The following MBD5 variants were observed in gnomAD, a reference collection of about 807,000 sequenced individuals.
The protein encoded by MBD5 is methyl-CpG-binding domain protein 5.
A neutral mutation model predicts 117.3 loss-of-function variants in MBD5; 13 were observed. The ratio of observed to expected loss-of-function variants is 0.11; its 90% confidence interval spans 0.07 to 0.18. MBD5 has a LOEUF of 0.18. Ranked by LOEUF, MBD5 falls within the 10% of genes least tolerant of loss-of-function variation. The pLI is 1.00. For missense variants in MBD5, 1,879 were observed against 2,093.8 expected, an observed-to-expected ratio of 0.90 and a Z score of 2.00; for synonymous variants, 727 against 766.4, an observed-to-expected ratio of 0.95 and a Z score of 0.85.
rs538688788 is a variant in MBD5 at position 148,372,511 on chromosome 2, T to C, written c.-557+30175T>C. Among the ~76,000 whole-genome samples, 18 of 152,162 alleles carry C rather than the reference T, an allele frequency of 1.2e-4. No individual in the cohort carries two copies. The East Asian group carries it at 3.5e-3, about 29-fold the overall frequency. ...AACACAAGTCAAATTCGTGGCCTAC[T>C]AATGATAGATCATGAGGTTCATCCT... On this transcript the variant is annotated intron_variant, in intron 4 of 13. Transcript: ENST00000642680.
intron 7 of MBD5, among the ~76,000 whole-genome samples, chr2:148,464,551 C>T (rs148671429): frequency 1.3e-5 from 2 of 152,038 alleles, no homozygotes; most frequent in Admixed American, 6.6e-5. Flanking sequence ...TACATAAACA[C>T]GATCTAAGGC....
At chr2:148,071,517 T>C (rs1558913541) in intron 1 of MBD5, 1 of 152,164 alleles carries the variant, frequency 6.6e-6, no homozygotes, top group Non-Finnish European at 1.5e-5. Context: ...AAGCAACTTG[T>C]GCAGGATTAC....
At chr2:148,262,719 A>G (rs1008672353) in intron 3 of MBD5, among the ~76,000 whole-genome samples, 2 of 152,208 alleles carry the variant, frequency 1.3e-5, no homozygotes, top group Non-Finnish European at 2.9e-5. Flanking sequence ...GTGCTTAACA[A>G]CTATGGCATA....
intron 1 of MBD5, among the ~76,000 whole-genome samples, chr2:148,050,087 A>T (rs1365171278): frequency 6.6e-6 from 1 of 152,154 alleles, no homozygotes; most frequent in Non-Finnish European, 1.5e-5. Context: ...GCTGGGTCTC[A>T]TGGTGACTCT....
At chr2:148,079,530 A>G (rs939350113) in intron 1 of MBD5, among the ~76,000 whole-genome samples, 7 of 151,884 alleles carry the variant, frequency 4.6e-5, no homozygotes, top group African/African-American at 1.7e-4. Context: ...CTGCATCTCC[A>G]TCCCACTTCT....
At chr2:148,308,327 G>C (rs1362361957) in intron 3 of MBD5, among the ~76,000 whole-genome samples, 4 of 151,966 alleles carry the variant, frequency 2.6e-5, no homozygotes. Context: ...TTTAATGATT[G>C]CCATTCTAAC....
At chr2:148,511,905 C>T (rs1682225093) in intron 13 of MBD5, among the ~76,000 whole-genome samples, 1 of 152,108 alleles carries the variant, frequency 6.6e-6, no homozygotes, top group African/African-American at 2.4e-5. Flanking sequence ...TATTTTTAAG[C>T]ATGTAATTGA....
intron 4 of MBD5, among the ~76,000 whole-genome samples, chr2:148,429,566 G>A (rs550059490): frequency 2.2e-4 from 33 of 151,894 alleles, no homozygotes; most frequent in African/African-American, 2.7e-4. Context: ...TTGTGATACC[G>A]GTCACAATAG....
At chr2:148,433,664 A>G (rs1194262051) in intron 4 of MBD5, among the ~76,000 whole-genome samples, 5 of 152,124 alleles carry the variant, frequency 3.3e-5, no homozygotes. Flanking sequence ...ATTGACTTGC[A>G]TATGTGGAAC....
chr2:148,079,391 GT>G (rs1271827328), intron 1 of MBD5, among the ~76,000 whole-genome samples: 4 of 152,154 alleles, frequency 2.6e-5, no homozygotes, highest in Non-Finnish European at 4.4e-5. Context: ...ATCATAGTCA[GT>G]TTTGATAATA....
chr2:148,412,167 G>A (rs972887839), intron 4 of MBD5, among the ~76,000 whole-genome samples: 2 of 151,982 alleles, frequency 1.3e-5, no homozygotes, highest in Non-Finnish European at 2.9e-5. Context: ...GGTTGTAGGT[G>A]TGCAGCTTTA....
intron 4 of MBD5, among the ~76,000 whole-genome samples, chr2:148,357,156 A>G (rs77358444): frequency 0.013 from 2,052 of 152,238 alleles, 48 homozygotes; most frequent in African/African-American, 0.047. Context: ...ATTTTTGGCC[A>G]CCTACTCTAC....
intron 11 of MBD5, among the ~76,000 whole-genome samples, chr2:148,501,894 A>G (rs1396821455): frequency 6.6e-6 from 1 of 152,190 alleles, no homozygotes; most frequent in Non-Finnish European, 1.5e-5. Flanking sequence ...TCACATTTTA[A>G]TTTTCACAGC....
intron 3 of MBD5, among the ~76,000 whole-genome samples, chr2:148,305,440 G>A (rs937754320): frequency 2.6e-5 from 4 of 152,176 alleles, no homozygotes; most frequent in Non-Finnish European, 2.9e-5. Context: ...CAAGATTAAT[G>A]TCTACAAACC....
intron 2 of MBD5, among the ~76,000 whole-genome samples, chr2:148,196,924 CAT>C (rs1256288077): frequency 1.3e-5 from 2 of 152,094 alleles, no homozygotes; most frequent in Non-Finnish European, 2.9e-5. Flanking sequence ...CCTCCATCCA[CAT>C]GTGCCAAAAT....
intron 3 of MBD5, among the ~76,000 whole-genome samples, chr2:148,294,501 G>GTTTGTT (rs1553496237): frequency 8.8e-6 from 1 of 113,216 alleles, no homozygotes; most frequent in African/African-American, 3.7e-5. Flanking sequence ...TGGGATTACA[G>GTTTGTT]TTTTTTTTTT....
chr2:148,268,320 A>G (rs1362222360), intron 3 of MBD5, among the ~76,000 whole-genome samples: 1 of 151,650 alleles, frequency 6.6e-6, no homozygotes. Context: ...AATCTCACGC[A>G]ATCCCCCCAC....
intron 1 of MBD5, among the ~76,000 whole-genome samples, chr2:148,066,490 T>TC (rs1695198201): frequency 6.6e-6 from 1 of 151,102 alleles, no homozygotes; most frequent in Non-Finnish European, 1.5e-5. Flanking sequence ...TTTTTCTTTT[T>TC]TTTTTTTTTT....
In MBD5 at chr2:148,374,161, C is replaced by A. The variant is rs532699678; in HGVS notation, c.-557+31825C>A. Among the ~76,000 whole-genome samples the A allele has an allele frequency of 2.6e-5, 4 of 151,630 alleles. No homozygotes were observed. The South Asian group carries it at 8.4e-4, about 32-fold the overall frequency. ...TAGTGACTTACTAGATGCCAATTTG[C>A]CAAACCCAGAATGTTGCTTAGCTTT... On this transcript the variant is annotated intron_variant, in intron 4 of 13. Coordinates refer to ENST00000642680, the MANE Select transcript of MBD5 (RefSeq NM_001378120.1).
Sources: gnomAD v4.1 joint callset for allele counts (sites outside exome capture counted in the v4.1 genomes callset) on GRCh38, gnomAD v4.1.1 for gene constraint, MANE v1.5 for transcripts, NCBI Gene and HGNC (gene_info 2026-07-23, HGNC 2026-07-21) for gene names.